Variants in AGBL1 observed in about 807,000 individuals in gnomAD.
AGBL1 encodes the protein AGBL carboxypeptidase 1.
In AGBL1, 130 loss-of-function variants were observed where a neutral mutation model predicts 118.9. The observed-to-expected ratio is 1.09, with a 90% CI of 0.95 to 1.26. The LOEUF (loss-of-function observed/expected upper bound fraction) is 1.26, where lower values mean the gene tolerates loss of function less well. Among genes scored for constraint, AGBL1 ranks in the 50% most tolerant of loss-of-function variants. The probability of loss-of-function intolerance (pLI) is 0.00; values close to 1 mark genes in which losing one functional copy is unlikely to be tolerated. For missense variants in AGBL1, 1,584 were observed against 1,298.1 expected (o/e 1.22, Z -3.38); for synonymous variants, 555 against 478.9 (o/e 1.16, Z -2.08).
intron 18 of AGBL1, among the ~76,000 whole-genome samples, chr15:86,468,260 C>T (rs2082432131): frequency 1.3e-5 from 2 of 152,116 alleles, no homozygotes; most frequent in Admixed American, 6.5e-5. Flanking sequence ...TCTAACTGGT[C>T]CTAAATTGGA....
chr15:87,023,649 C>T (rs948648499), intron 24 of AGBL1, among the ~76,000 whole-genome samples: 1 of 152,018 alleles, frequency 6.6e-6, no homozygotes. Flanking sequence ...CAGATATATA[C>T]AGAACATTCC....
At chr15:86,479,521 C>T (rs2082617419) in intron 18 of AGBL1, among the ~76,000 whole-genome samples, 1 of 152,110 alleles carries the variant, frequency 6.6e-6, no homozygotes, top group South Asian at 2.1e-4. Context: ...AAATCAAAAC[C>T]ACAATGAGAT....
intron 22 of AGBL1, among the ~76,000 whole-genome samples, chr15:86,857,362 C>G (rs780739861): frequency 6.6e-6 from 1 of 152,180 alleles, no homozygotes; most frequent in Non-Finnish European, 1.5e-5. Context: ...GCCTGCGTCT[C>G]TTTTCAGTAT....
intron 6 of AGBL1, among the ~76,000 whole-genome samples, chr15:86,239,002 G>C (rs542676937): frequency 2.7e-5 from 4 of 150,792 alleles, no homozygotes; most frequent in African/African-American, 1.0e-4. Flanking sequence ...TATGTGCTGA[G>C]GGTGGGGGAA....
At chr15:86,998,443 T>A (rs1180998824) in intron 24 of AGBL1, among the ~76,000 whole-genome samples, 1 of 152,120 alleles carries the variant, frequency 6.6e-6, no homozygotes, top group Admixed American at 6.6e-5. Context: ...GACACATGAA[T>A]TGGGAGTGGA....
chr15:86,406,892 A>G (rs2081537514), intron 18 of AGBL1, among the ~76,000 whole-genome samples: 1 of 152,318 alleles, frequency 6.6e-6, no homozygotes, highest in South Asian at 2.1e-4. Flanking sequence ...TATAAACTGT[A>G]GAAAGATGAA....
At chr15:86,247,913 G>C in intron 7 of AGBL1, 34 bp downstream of exon 7, 2 of 1,603,084 alleles carry the variant, frequency 1.2e-6, no homozygotes, top group Non-Finnish European at 1.7e-6. Context: ...TGCAGCTGGA[G>C]GCCAGCTGGG....
chr15:86,405,398 C>T (rs577533741), intron 18 of AGBL1, among the ~76,000 whole-genome samples: 8 of 152,144 alleles, frequency 5.3e-5, no homozygotes, highest in Non-Finnish European at 1.2e-4. Flanking sequence ...TACCTGTAGT[C>T]CCAGCTACTT....
downstream of AGBL1, among the ~76,000 whole-genome samples, chr15:86,919,455 A>G (rs1463710619): frequency 6.6e-6 from 1 of 152,056 alleles, no homozygotes; most frequent in Non-Finnish European, 1.5e-5. Context: ...AAAAGACCAG[A>G]AACACATGAC....
At chr15:86,505,548 A>C (rs1389062901) in intron 18 of AGBL1, among the ~76,000 whole-genome samples, 1 of 151,886 alleles carries the variant, frequency 6.6e-6, no homozygotes, top group Non-Finnish European at 1.5e-5. Flanking sequence ...TCTGTTGAGG[A>C]TCTGTAGTGA....
chr15:86,238,209 A>G (rs1725142865), intron 6 of AGBL1, among the ~76,000 whole-genome samples: 1 of 152,142 alleles, frequency 6.6e-6, no homozygotes, highest in Non-Finnish European at 1.5e-5. Flanking sequence ...CCTATTTGGT[A>G]TCTGCCTCCC....
intron 22 of AGBL1, among the ~76,000 whole-genome samples, chr15:86,690,917 A>G (rs2086154899): frequency 6.6e-6 from 1 of 152,138 alleles, no homozygotes; most frequent in African/African-American, 2.4e-5. Flanking sequence ...TTTATTTATG[A>G]ATTCTATTGT....
intron 21 of AGBL1, among the ~76,000 whole-genome samples, chr15:86,656,353 G>A (rs1217562464): frequency 6.6e-6 from 1 of 152,118 alleles, no homozygotes; most frequent in African/African-American, 2.4e-5. Flanking sequence ...AAAATTAGTG[G>A]TGCTTCAAAA....
At chr15:86,686,581 G>C (rs2086061620) in intron 22 of AGBL1, among the ~76,000 whole-genome samples, 1 of 151,594 alleles carries the variant, frequency 6.6e-6, no homozygotes, top group Non-Finnish European at 1.5e-5. Context: ...GAGATTACAG[G>C]TGTGTGCTAC....
chr15:86,694,830 T>C (rs775211378), intron 22 of AGBL1, among the ~76,000 whole-genome samples: 3 of 152,128 alleles, frequency 2.0e-5, no homozygotes, highest in Non-Finnish European at 4.4e-5. Flanking sequence ...TCAAATACTT[T>C]TTCTGCATCT....
intron 21 of AGBL1, among the ~76,000 whole-genome samples, chr15:86,659,843 C>G (rs1409335178): frequency 6.6e-6 from 1 of 152,198 alleles, no homozygotes; most frequent in Non-Finnish European, 1.5e-5. Context: ...CTCCTGAGCA[C>G]TTGGGCATCA....
At chr15:86,374,065 G>T (rs570363301) in intron 17 of AGBL1, among the ~76,000 whole-genome samples, 1 of 152,168 alleles carries the variant, frequency 6.6e-6, no homozygotes, top group East Asian at 1.9e-4. Context: ...ACCTAAGTCC[G>T]ACTTGGTTGC....
chr15:86,214,605 C>T (rs932842033), intron 5 of AGBL1, among the ~76,000 whole-genome samples: 1 of 152,328 alleles, frequency 6.6e-6, no homozygotes, highest in South Asian at 2.1e-4. Flanking sequence ...TTTGTGAGAA[C>T]TTATTGCAAT....
chr15:86,940,901 C>T (rs1238108033), intron 23 of AGBL1, among the ~76,000 whole-genome samples: 8 of 152,196 alleles, frequency 5.3e-5, no homozygotes, highest in Non-Finnish European at 1.5e-5. Flanking sequence ...CTGCTTTCTT[C>T]AGCCCTGCTC....
Sources: gnomAD v4.1 joint callset for allele counts (sites outside exome capture counted in the v4.1 genomes callset) on GRCh38, gnomAD v4.1.1 for gene constraint, MANE v1.5 for transcripts, NCBI Gene and HGNC (gene_info 2026-07-23, HGNC 2026-07-21) for gene names.